HSP90AA1: variants seen among roughly 807,000 people sequenced by gnomAD.
HSP90AA1 encodes heat shock protein 90 alpha family class A member 1.
Under a neutral mutation model 73.3 loss-of-function variants are expected in HSP90AA1, and 18 were observed. The observed-to-expected ratio is 0.25, with a 90% CI of 0.17 to 0.36. The LOEUF is 0.36. Ranked by LOEUF, HSP90AA1 falls within the 10% of genes least tolerant of loss-of-function variation. The pLI is 1.00. For synonymous variants in HSP90AA1, 477 were observed against 296.9 expected, an observed-to-expected ratio of 1.61 and a Z score of -6.24; for missense variants, 704 against 874.2, an observed-to-expected ratio of 0.81 and a Z score of 2.45.
chr14:102,125,038 C>A (rs1471504870), intron 1 of HSP90AA1, among the ~76,000 whole-genome samples: 1 of 152,200 alleles, frequency 6.6e-6, no homozygotes, highest in Non-Finnish European at 1.5e-5. Context: ...GTTGCCTAGG[C>A]TGGAGTTCAG....
intron 2 of HSP90AA1, among the ~76,000 whole-genome samples, chr14:102,101,022 C>A (rs543292338): frequency 3.3e-5 from 5 of 152,212 alleles, no homozygotes; most frequent in Admixed American, 1.3e-4. Flanking sequence ...AATAAATTAC[C>A]ACGTGCTGGA....
upstream of HSP90AA1, chr14:102,087,246 G>A (rs886412990): frequency 4.1e-5 from 33 of 806,578 alleles, no homozygotes; most frequent in Middle Eastern, 6.3e-4. Flanking sequence ...GGCCCGGCCC[G>A]GGCAACCTTC....
In HSP90AA1 at chr14:102,081,544, G is replaced by A. The variant is rs930984794; in HGVS notation, c.*168C>T. ...TTACTAGCTCTGCTTTAGTGCCTAAGGTATCACAGCATCACTTAGTAGACA... is the reference window on the plus strand; with the variant it reads ...TTACTAGCTCTGCTTTAGTGCCTAAAGTATCACAGCATCACTTAGTAGACA... On this transcript the variant is annotated 3_prime_UTR_variant, in exon 11 of 11. Coordinates refer to ENST00000216281, the MANE Select transcript of HSP90AA1 (RefSeq NM_005348.4). The A allele has an allele frequency of 9.5e-6, 6 of 630,858 alleles. No homozygotes were observed. The highest frequency in any genetic ancestry group is 3.8e-5 in the South Asian group (2 of 52,976). 39.1% of individuals were successfully genotyped at this position (630,858 alleles called of 1,614,324 possible). A position where few individuals can be genotyped will look rare whatever the true frequency, so the allele number is the denominator to read the frequency against.
upstream of HSP90AA1, among the ~76,000 whole-genome samples, chr14:102,091,480 G>T (rs1399427214): frequency 6.6e-6 from 1 of 152,000 alleles, no homozygotes; most frequent in African/African-American, 2.4e-5. Flanking sequence ...AAAAAATTTA[G>T]CTGGGTGTGG....
chr14:102,082,279 A>T lies in HSP90AA1; in HGVS notation c.1921T>A (p.Ser641Thr). The change falls in exon 10 of 11, where the codon TCC becomes ACC. Residue 641 changes from serine to threonine, a missense_variant. By Grantham distance (58) the Ser-to-Thr change is moderately conservative. Coordinates refer to ENST00000216281, the MANE Select transcript of HSP90AA1 (RefSeq NM_005348.4). ...TTTTGCCTTAAGGTCTCAATAATGG[A>T]ATGGTCAGGGTTTATCTCCAGGTGT... ...KKHLEINPDHSIIETLRQKAE... is the reference protein window; with the variant it reads ...KKHLEINPDHTIIETLRQKAE... 1 of 1,613,894 alleles carries T rather than the reference A, an allele frequency of 6.2e-7. No homozygotes were observed. The highest frequency in any genetic ancestry group is 8.5e-7 in the Non-Finnish European group (1 of 1,179,842).
upstream of HSP90AA1, among the ~76,000 whole-genome samples, chr14:102,089,151 C>T (rs1010031579): frequency 6.6e-6 from 1 of 152,128 alleles, no homozygotes; most frequent in Non-Finnish European, 1.5e-5. Flanking sequence ...GAACCCGTGA[C>T]CTCAGGTGAT....
At chr14:102,087,246 G>C, upstream of HSP90AA1, 4 of 806,688 alleles carry the variant, frequency 5.0e-6, no homozygotes, top group Non-Finnish European at 6.0e-6. Context: ...GGCCCGGCCC[G>C]GGCAACCTTC....
upstream of HSP90AA1, among the ~76,000 whole-genome samples, chr14:102,091,237 G>A (rs1036998121): frequency 7.9e-5 from 12 of 152,148 alleles, no homozygotes; most frequent in Admixed American, 2.0e-4. Context: ...CTGAGGCTTA[G>A]GAGAGGTAAG....
In HSP90AA1 at chr14:102,082,624, C is replaced by T; in HGVS notation, c.1756-180G>A. ...AGGTTATAATTTCATGTTTTACATG[C>T]ACAATTTTTTTTTTGAGATAGAGTC... On this transcript the variant is annotated intron_variant, in intron 9 of 10. Transcript: ENST00000216281. 3 of 630,618 alleles carry T rather than the reference C, an allele frequency of 4.8e-6. No individual in the cohort carries two copies. In the Admixed American group the frequency reaches 8.3e-5, roughly 17 times the overall value. 39.1% of individuals were successfully genotyped at this position (630,618 alleles called of 1,614,324 possible).
upstream of HSP90AA1, among the ~76,000 whole-genome samples, chr14:102,090,440 T>G (rs952237824): frequency 2.0e-4 from 29 of 147,874 alleles, no homozygotes; most frequent in Admixed American, 7.7e-4. Flanking sequence ...TCTTCCTTCC[T>G]CAACAACATA....
At chr14:102,085,049 G>T (rs377177954) in intron 4 of HSP90AA1, 51 bp from the exon 5 acceptor site, 1 of 1,613,562 alleles carries the variant, frequency 6.2e-7, no homozygotes, top group South Asian at 1.1e-5. Context: ...AGAACTAAGC[G>T]ACAGCGCTGC....
chr14:102,087,285 C>A, upstream of HSP90AA1: 1 of 502,826 alleles, frequency 2.0e-6, no homozygotes, highest in Non-Finnish European at 2.6e-6. Context: ...GCCTCTCGCA[C>A]GCCCCCGCGC....
chr14:102,121,929 TG>T (rs1382639708), intron 1 of HSP90AA1, among the ~76,000 whole-genome samples: 1 of 152,226 alleles, frequency 6.6e-6, no homozygotes, highest in Non-Finnish European at 1.5e-5. Flanking sequence ...CCAAGGTTGT[TG>T]TCTTTTCATA....
At chr14:102,136,364 C>G (rs1345442434) in intron 1 of HSP90AA1, among the ~76,000 whole-genome samples, 2 of 149,414 alleles carry the variant, frequency 1.3e-5, no homozygotes, top group Admixed American at 6.7e-5. Context: ...GTCAGGAGTT[C>G]GAGACCAGCC....
At chr14:102,113,574 C>T (rs1163994934) in intron 1 of HSP90AA1, among the ~76,000 whole-genome samples, 15 of 151,050 alleles carry the variant, frequency 9.9e-5, no homozygotes, top group Non-Finnish European at 1.8e-4. Flanking sequence ...TTAGTGGAGA[C>T]GGGATTTCAC....
At chr14:102,136,848 A>G (rs1436224409) in intron 1 of HSP90AA1, among the ~76,000 whole-genome samples, 1 of 150,338 alleles carries the variant, frequency 6.7e-6, no homozygotes, top group Non-Finnish European at 1.5e-5. Context: ...AGATTGAGCC[A>G]TTGCACTCAA....
intron 6 of HSP90AA1, 189 bp downstream of exon 6, chr14:102,084,210 C>T: frequency 2.9e-6 from 2 of 680,240 alleles, no homozygotes; most frequent in African/African-American, 1.8e-5. Flanking sequence ...CTACATGGGG[C>T]TAATTTTTGT....
rs546460547 is a variant in HSP90AA1 at position 102,085,651 on chromosome 14, T to C, written c.529+107A>G. 2.2e-5 allele frequency: 34 copies of C among 1,537,396 alleles called. No homozygotes were observed. In the East Asian group the frequency reaches 7.4e-4, roughly 34 times the overall value. Reference sequence around the variant, plus strand: ...AGTGCTCTAGCTTGTTCCTGATCGTTGGGCAAACACAAATTCTGTAAGCTT... The same window carrying C: ...AGTGCTCTAGCTTGTTCCTGATCGTCGGGCAAACACAAATTCTGTAAGCTT... On this transcript the variant is annotated intron_variant, in intron 3 of 10. Coordinates refer to ENST00000216281, the MANE Select transcript of HSP90AA1 (RefSeq NM_005348.4).
In HSP90AA1 at chr14:102,086,070, C is replaced by T; in HGVS notation, c.217G>A (p.Gly73Arg). Residue 73 changes from glycine (G) to arginine (R), a missense_variant, in exon 3 of 11, where the codon GGG (glycine) becomes AGG (arginine). Physicochemically the swap from Gly to Arg is moderately radical, Grantham distance 125. Transcript: ENST00000216281. Reference protein sequence around the residue: ...SLTDPSKLDSGKELHINLIPN... With the variant: ...SLTDPSKLDSRKELHINLIPN... ...ATAAGGTTAATATGCAGCTCTTTCC[C>T]AGAGTCTAATTTACTGGGATCTGTC... 1 of 1,613,914 alleles carries T rather than the reference C, an allele frequency of 6.2e-7. No individual in the cohort carries two copies. The highest frequency in any genetic ancestry group is 8.5e-7 in the Non-Finnish European group (1 of 1,179,864).
Sources: gnomAD v4.1 joint callset for allele counts (sites outside exome capture counted in the v4.1 genomes callset) on GRCh38, gnomAD v4.1.1 for gene constraint, MANE v1.5 for transcripts, NCBI Gene and HGNC (gene_info 2026-07-23, HGNC 2026-07-21) for gene names.